Variants in CPPED1 observed in about 807,000 individuals in gnomAD.
CPPED1 encodes serine/threonine-protein phosphatase CPPED1.
A neutral mutation model predicts 28.0 loss-of-function variants in CPPED1; 28 were observed. That is an observed-to-expected ratio of 1.00 (90% CI 0.74 to 1.37). The LOEUF (loss-of-function observed/expected upper bound fraction) is 1.37, where lower values mean the gene tolerates loss of function less well. Ranked by LOEUF, CPPED1 falls within the 40% of genes most tolerant of loss-of-function variation. The pLI is 0.00. For missense variants in CPPED1, 504 were observed against 416.5 expected (o/e 1.21, Z -1.83); for synonymous variants, 198 against 180.2 (o/e 1.10, Z -0.79).
chr16:12,792,482 G>T (rs2141245104), intron 1 of CPPED1, among the ~76,000 whole-genome samples: 1 of 152,184 alleles, frequency 6.6e-6, no homozygotes, highest in South Asian at 2.1e-4. Context: ...CAACAATGCT[G>T]GGGGGTTGAA....
At chr16:12,735,043 G>A (rs2080219601) in intron 2 of CPPED1, among the ~76,000 whole-genome samples, 1 of 152,174 alleles carries the variant, frequency 6.6e-6, no homozygotes, top group Non-Finnish European at 1.5e-5. Flanking sequence ...CAGAGAAGCA[G>A]CCGGGAGTAC....
intron 2 of CPPED1, among the ~76,000 whole-genome samples, chr16:12,758,792 G>T (rs1226257865): frequency 6.6e-6 from 1 of 152,158 alleles, no homozygotes; most frequent in Non-Finnish European, 1.5e-5. Flanking sequence ...TGTTCAGGAA[G>T]AAGGCAGGAA....
rs371534524 is a variant in CPPED1 at position 12,780,656 on chromosome 16, G to A, written c.289+529C>T. Among the ~76,000 whole-genome samples, 8 of 151,280 alleles carry A rather than the reference G, an allele frequency of 5.3e-5. No homozygotes were observed. The South Asian group carries it at 1.0e-3, about 20-fold the overall frequency. On this transcript the variant is annotated intron_variant, in intron 2 of 3. Transcript: ENST00000381774. ...GAGACCAAGTCCTTATAACCAAGCT[G>A]ACCCCCTAGATCCAGCTGTACCTGC...
At chr16:12,678,271 G>A (rs529093717) in intron 3 of CPPED1, among the ~76,000 whole-genome samples, 3 of 152,236 alleles carry the variant, frequency 2.0e-5, no homozygotes, top group African/African-American at 4.8e-5. Flanking sequence ...CTATAAGTAA[G>A]AGCATCTGTC....
At chr16:12,698,309 G>A (rs2080002783) in intron 3 of CPPED1, among the ~76,000 whole-genome samples, 1 of 152,166 alleles carries the variant, frequency 6.6e-6, no homozygotes, top group African/African-American at 2.4e-5. Flanking sequence ...GTTTCCTGGA[G>A]GAATCAGGAT....
intron 3 of CPPED1, among the ~76,000 whole-genome samples, chr16:12,690,009 T>C (rs968415222): frequency 6.6e-6 from 1 of 152,264 alleles, no homozygotes; most frequent in African/African-American, 2.4e-5. Context: ...CTGATTGCCA[T>C]AATTTGTCTC....
intron 3 of CPPED1, among the ~76,000 whole-genome samples, chr16:12,668,611 A>G (rs1400402552): frequency 6.6e-6 from 1 of 152,258 alleles, no homozygotes; most frequent in Non-Finnish European, 1.5e-5. Flanking sequence ...TCTAATACCC[A>G]GAAAACATAA....
At chr16:12,699,172 G>A (rs775166318) in intron 3 of CPPED1, among the ~76,000 whole-genome samples, 15 of 151,984 alleles carry the variant, frequency 9.9e-5, no homozygotes, top group South Asian at 4.2e-4. Context: ...TGAATAAAGC[G>A]GAAAACCAAT....
intron 2 of CPPED1, among the ~76,000 whole-genome samples, chr16:12,764,837 C>T (rs2080430071): frequency 6.6e-6 from 1 of 152,214 alleles, no homozygotes; most frequent in South Asian, 2.1e-4. Flanking sequence ...AGGACAGACA[C>T]CGTATTTGTT....
intron 2 of CPPED1, among the ~76,000 whole-genome samples, chr16:12,749,597 G>A (rs1024131863): frequency 1.1e-4 from 16 of 152,046 alleles, no homozygotes; most frequent in Non-Finnish European, 2.2e-4. Flanking sequence ...AATTTTGTTT[G>A]TTTGTTTGTT....
intron 3 of CPPED1, among the ~76,000 whole-genome samples, chr16:12,703,772 C>G (rs1157893753): frequency 2.6e-5 from 4 of 151,656 alleles, no homozygotes; most frequent in Admixed American, 2.0e-4. Flanking sequence ...CTGGAATTTG[C>G]CAAATCACTG....
intron 2 of CPPED1, among the ~76,000 whole-genome samples, chr16:12,728,416 A>G (rs2080180575): frequency 6.6e-6 from 1 of 152,220 alleles, no homozygotes. Context: ...ATAAAAAAGC[A>G]AAAGAGATGA....
intron 1 of CPPED1, among the ~76,000 whole-genome samples, chr16:12,799,544 C>T (rs2080646631): frequency 6.6e-6 from 1 of 152,240 alleles, no homozygotes; most frequent in African/African-American, 2.4e-5. Context: ...CTGCTCCCAG[C>T]CTCGAAAAGC....
chr16:12,769,788 G>A (rs1054086717), intron 2 of CPPED1, among the ~76,000 whole-genome samples: 2 of 152,146 alleles, frequency 1.3e-5, no homozygotes, highest in Non-Finnish European at 2.9e-5. Flanking sequence ...CATTCCAGAG[G>A]CTGGTGATAT....
chr16:12,717,431 T>C (rs2080113092), intron 2 of CPPED1, among the ~76,000 whole-genome samples: 1 of 152,114 alleles, frequency 6.6e-6, no homozygotes, highest in African/African-American at 2.4e-5. Context: ...GCCTGGCTAA[T>C]TTTTTTGTAT....
intron 3 of CPPED1, among the ~76,000 whole-genome samples, chr16:12,692,282 G>T (rs1187767170): frequency 6.6e-6 from 1 of 152,006 alleles, no homozygotes; most frequent in Non-Finnish European, 1.5e-5. Context: ...TCCCCGGTGT[G>T]GTGAACAGAA....
chr16:12,724,582 C>G (rs986598501), intron 2 of CPPED1, among the ~76,000 whole-genome samples: 4 of 152,192 alleles, frequency 2.6e-5, no homozygotes, highest in Non-Finnish European at 4.4e-5. Flanking sequence ...TACATCATCC[C>G]TTCCCTGGTG....
chr16:12,679,874 T>C (rs2079896298), intron 3 of CPPED1, among the ~76,000 whole-genome samples: 1 of 152,114 alleles, frequency 6.6e-6, no homozygotes, highest in African/African-American at 2.4e-5. Flanking sequence ...CTAAAAGAAA[T>C]GCAATTATCT....
chr16:12,682,074 C>A lies in CPPED1; in HGVS notation c.716-16959G>T, dbSNP rs1305754606. ...TTTGAGACAGTGTCTCTCTCGGTCGCCTATGTTGGAGTGCAGTGGCGCGAT... is the reference window on the plus strand; with the variant it reads ...TTTGAGACAGTGTCTCTCTCGGTCGACTATGTTGGAGTGCAGTGGCGCGAT... On this transcript the variant is annotated intron_variant, in intron 3 of 3. Transcript: ENST00000381774. The surrounding 1 kb of genome is among the most constrained non-coding windows in gnomAD (Gnocchi z 6.1). 6.6e-6 allele frequency among the ~76,000 whole-genome samples: 1 copy of A among 152,046 alleles called. No homozygotes were observed. Among genetic ancestry groups the A allele is most frequent in the Non-Finnish European group, 1.5e-5 (1 of 68,014 alleles).
Sources: allele counts gnomAD v4.1 joint callset (sites outside exome capture counted in the v4.1 genomes callset), GRCh38; gene constraint gnomAD v4.1.1; non-coding constraint Gnocchi (gnomAD v3.1); transcripts MANE v1.5; gene names NCBI Gene and HGNC (gene_info 2026-07-23, HGNC 2026-07-21).